Variants in GPM6A observed in about 807,000 individuals in gnomAD.
GPM6A encodes neuronal membrane glycoprotein M6-a.
GPM6A carries 7 observed loss-of-function variants against 32.1 expected under a neutral mutation model. The observed-to-expected ratio is 0.22, with a 90% CI of 0.12 to 0.41. The LOEUF (loss-of-function observed/expected upper bound fraction) is 0.41, where lower values mean the gene tolerates loss of function less well. Among genes scored for constraint, GPM6A ranks in the 10% least tolerant of loss-of-function variants. The pLI, the probability that GPM6A is intolerant of heterozygous loss-of-function variation, is 1.00. For synonymous variants in GPM6A, 130 were observed against 123.4 expected, an observed-to-expected ratio of 1.05 and a Z score of -0.35; for missense variants, 235 against 347.2, an observed-to-expected ratio of 0.68 and a Z score of 2.57.
At chr4:175,973,490 G>T (rs964287709) in intron 1 of GPM6A, among the ~76,000 whole-genome samples, 1 of 152,124 alleles carries the variant, frequency 6.6e-6, no homozygotes, top group African/African-American at 2.4e-5. Context: ...TACTTAAAAG[G>T]GTCAACTACA....
chr4:175,964,063 T>G (rs1371884939), intron 1 of GPM6A, among the ~76,000 whole-genome samples: 1 of 148,084 alleles, frequency 6.8e-6, no homozygotes, highest in Non-Finnish European at 1.5e-5. Context: ...AATGCTCAAT[T>G]AAAACCAGAA....
chr4:175,801,373 G>T (rs1470551507), intron 1 of GPM6A, among the ~76,000 whole-genome samples: 1 of 123,990 alleles, frequency 8.1e-6, no homozygotes, highest in African/African-American at 2.9e-5. Context: ...TAATAATATA[G>T]GTATATTGAA....
At chr4:175,712,174 A>T (rs897248920) in intron 1 of GPM6A, among the ~76,000 whole-genome samples, 31 of 152,198 alleles carry the variant, frequency 2.0e-4, no homozygotes, top group African/African-American at 6.8e-4. Flanking sequence ...GAAAATGAAG[A>T]TTAGCAAATT....
chr4:175,674,375 C>G (rs1579370335), intron 2 of GPM6A, among the ~76,000 whole-genome samples: 1 of 152,110 alleles, frequency 6.6e-6, no homozygotes, highest in East Asian at 1.9e-4. Context: ...CAGGGTTTCA[C>G]CATGTTGGCC....
intron 1 of GPM6A, among the ~76,000 whole-genome samples, chr4:175,710,981 C>T (rs184320617): frequency 2.0e-5 from 3 of 152,106 alleles, no homozygotes; most frequent in Admixed American, 6.6e-5. Flanking sequence ...TGAAAACGAC[C>T]CAGGCCCTGC....
intron 1 of GPM6A, among the ~76,000 whole-genome samples, chr4:175,770,198 T>C (rs1017414411): frequency 6.6e-6 from 1 of 152,188 alleles, no homozygotes; most frequent in East Asian, 1.9e-4. Flanking sequence ...AGCTAGTTTT[T>C]TGTACTTAGT....
chr4:175,788,788 C>T (rs1205750937), intron 1 of GPM6A, among the ~76,000 whole-genome samples: 2 of 152,056 alleles, frequency 1.3e-5, no homozygotes, highest in African/African-American at 4.8e-5. Flanking sequence ...TTTAATAGTT[C>T]TTAATGAACA....
chr4:175,650,552 G>T (rs1369785699), intron 4 of GPM6A, among the ~76,000 whole-genome samples: 1 of 152,082 alleles, frequency 6.6e-6, no homozygotes, highest in Non-Finnish European at 1.5e-5. Flanking sequence ...TGATGTGCCT[G>T]CCTTAGTCTC....
intron 1 of GPM6A, among the ~76,000 whole-genome samples, chr4:175,981,941 TA>T (rs1020591159): frequency 1.3e-5 from 2 of 151,914 alleles, no homozygotes; most frequent in Non-Finnish European, 2.9e-5. Context: ...TTTCCTTTTT[TA>T]AAAAAAACTA....
chr4:175,659,686 T>C (rs71613762), intron 3 of GPM6A, among the ~76,000 whole-genome samples: 21,818 of 152,192 alleles, frequency 0.14, 2,008 homozygotes, highest in Non-Finnish European at 0.2. Flanking sequence ...AGTTATTTTA[T>C]TACCAGTTAA....
intron 1 of GPM6A, among the ~76,000 whole-genome samples, chr4:175,964,325 C>T (rs1014865656): frequency 6.6e-6 from 1 of 150,470 alleles, no homozygotes; most frequent in Admixed American, 6.6e-5. Context: ...AACAACAAAA[C>T]CCACCCAGCT....
intron 1 of GPM6A, among the ~76,000 whole-genome samples, chr4:175,741,392 T>A (rs1731881180): frequency 6.6e-6 from 1 of 152,094 alleles, no homozygotes; most frequent in African/African-American, 2.4e-5. Context: ...AACTGATTGA[T>A]CTCTTCCAGT....
At chr4:175,925,756 T>C (rs1738816285) in intron 1 of GPM6A, among the ~76,000 whole-genome samples, 1 of 152,110 alleles carries the variant, frequency 6.6e-6, no homozygotes, top group Non-Finnish European at 1.5e-5. Context: ...TGTACTAATA[T>C]TGTAGTAATC....
At chr4:175,913,895 T>G (rs1350996023) in intron 1 of GPM6A, among the ~76,000 whole-genome samples, 2 of 152,224 alleles carry the variant, frequency 1.3e-5, no homozygotes, top group African/African-American at 2.4e-5. Context: ...AACCCTTGTT[T>G]ATGAAGCATA....
rs1198687419 is a variant in GPM6A, at chr4:175,711,099, T to C, written c.38-9332A>G. 2.0e-5 allele frequency among the ~76,000 whole-genome samples: 3 copies of C among 152,166 alleles called. No individual in the cohort carries two copies. In the East Asian group the frequency reaches 5.8e-4, roughly 29 times the overall value. On this transcript the variant is annotated intron_variant, in intron 1 of 6. Coordinates refer to ENST00000393658, the MANE Select transcript of GPM6A (RefSeq NM_201591.3). Reference sequence around the variant, plus strand: ...TCTTGACAGTACATCAATGTGTACATACATGTGTACATATATAAGTAATTA... The same window carrying C: ...TCTTGACAGTACATCAATGTGTACACACATGTGTACATATATAAGTAATTA...
rs563904502 is a variant in GPM6A at position 175,993,625 on chromosome 4, T to C, written c.-23+8684A>G. Among the ~76,000 whole-genome samples the C allele has an allele frequency of 2.0e-5, 3 of 152,354 alleles. No homozygotes were observed. In the East Asian group the frequency reaches 5.8e-4, roughly 29 times the overall value. On this transcript the variant is annotated intron_variant, in intron 1 of 7. Transcript: ENST00000280187. Reference sequence around the variant, plus strand: ...CCAATATTAAATACATTATACTTTTTAAATTTTGTATTTTTGTATCTTTCT... The same window carrying C: ...CCAATATTAAATACATTATACTTTTCAAATTTTGTATTTTTGTATCTTTCT...
chr4:175,657,271 G>T (rs1742131587), intron 3 of GPM6A, among the ~76,000 whole-genome samples: 3 of 152,158 alleles, frequency 2.0e-5, no homozygotes. Context: ...TTTAAACAAA[G>T]CTTCAATAGA....
At chr4:175,838,788 G>C (rs1408031528) in intron 1 of GPM6A, among the ~76,000 whole-genome samples, 1 of 151,130 alleles carries the variant, frequency 6.6e-6, no homozygotes, top group Admixed American at 6.6e-5. Context: ...CAAGTACCTG[G>C]GACTGCAGGC....
At chr4:175,995,330 T>C (rs936473083) in intron 1 of GPM6A, among the ~76,000 whole-genome samples, 1 of 119,302 alleles carries the variant, frequency 8.4e-6, no homozygotes, top group African/African-American at 3.3e-5. Context: ...AGTTCTTAAA[T>C]AATAAGACTT....
Sources: allele counts gnomAD v4.1 joint callset (sites outside exome capture counted in the v4.1 genomes callset), GRCh38; gene constraint gnomAD v4.1.1; transcripts MANE v1.5; gene names NCBI Gene and HGNC (gene_info 2026-07-23, HGNC 2026-07-21).